Variants in PLCB4 observed in about 807,000 individuals in gnomAD.
PLCB4 encodes phospholipase C beta 4.
PLCB4 carries 77 observed loss-of-function variants against 178.8 expected under a neutral mutation model. The ratio of observed to expected loss-of-function variants is 0.43; its 90% confidence interval spans 0.36 to 0.52. The LOEUF is 0.52. Ranked by LOEUF, PLCB4 falls within the 20% of genes least tolerant of loss-of-function variation. The probability of loss-of-function intolerance (pLI) is 0.00; values close to 1 mark genes in which losing one functional copy is unlikely to be tolerated. For synonymous variants in PLCB4, 496 were observed against 490.8 expected (o/e 1.01, Z -0.14); for missense variants, 1,024 against 1,453.4 (o/e 0.70, Z 4.80).
intron 14 of PLCB4, among the ~76,000 whole-genome samples, chr20:9,385,686 C>T (rs1297250302): frequency 6.6e-6 from 1 of 150,696 alleles, no homozygotes; most frequent in Non-Finnish European, 1.5e-5. Context: ...AGGCGCTCCT[C>T]ACCTCCCAGA....
chr20:9,403,196 A>G lies in PLCB4; in HGVS notation c.1611+1606A>G, dbSNP rs529197956. 2.0e-5 allele frequency among the ~76,000 whole-genome samples: 3 copies of G among 152,296 alleles called. No individual in the cohort carries two copies. The East Asian group carries it at 5.8e-4, about 29-fold the overall frequency. On this transcript the variant is annotated intron_variant, in intron 20 of 39. Coordinates refer to ENST00000378473, the MANE Select transcript of PLCB4 (RefSeq NM_001377142.1). ...TATCCTCATGATCACTGGCGTCATT[A>G]TCACGCGTATATAGAAGACAGGTTG...
At chr20:9,445,967 G>A (rs2042390003) in intron 32 of PLCB4, among the ~76,000 whole-genome samples, 1 of 152,188 alleles carries the variant, frequency 6.6e-6, no homozygotes, top group South Asian at 2.1e-4. Flanking sequence ...GGGCTAGTTG[G>A]AAACATAAAG....
At chr20:9,399,037 A>G (rs1158553840) in intron 19 of PLCB4, among the ~76,000 whole-genome samples, 2 of 152,234 alleles carry the variant, frequency 1.3e-5, no homozygotes, top group Non-Finnish European at 2.9e-5. Context: ...AATGAAAGTC[A>G]AAGATGTGAT....
intron 2 of PLCB4, among the ~76,000 whole-genome samples, chr20:9,213,741 T>C (rs1187278495): frequency 6.6e-6 from 1 of 152,242 alleles, no homozygotes; most frequent in Non-Finnish European, 1.5e-5. Context: ...ACTGCTAGAC[T>C]GTTTTCCAAA....
chr20:9,293,781 G>A (rs1029075593), intron 3 of PLCB4, among the ~76,000 whole-genome samples: 1 of 152,136 alleles, frequency 6.6e-6, no homozygotes, highest in East Asian at 1.9e-4. Context: ...TCTTCAAAGG[G>A]GGAAGCACAA....
chr20:9,470,412 T>C (rs1350079497), intron 36 of PLCB4, among the ~76,000 whole-genome samples: 1 of 152,108 alleles, frequency 6.6e-6, no homozygotes, highest in Non-Finnish European at 1.5e-5. Flanking sequence ...CTTATATACA[T>C]GGAAATGACA....
intron 3 of PLCB4, among the ~76,000 whole-genome samples, chr20:9,218,045 C>T (rs1174408778): frequency 6.6e-6 from 1 of 152,132 alleles, no homozygotes; most frequent in Non-Finnish European, 1.5e-5. Flanking sequence ...ACTTGTATTC[C>T]AGAGCCAGAA....
chr20:9,168,844 TG>T (rs1308039469), intron 2 of PLCB4, among the ~76,000 whole-genome samples: 4 of 152,124 alleles, frequency 2.6e-5, no homozygotes, highest in African/African-American at 9.7e-5. Context: ...TGTGTGGGAT[TG>T]TCACCTCTGC....
chr20:9,445,285 G>A (rs2042348420), intron 32 of PLCB4, among the ~76,000 whole-genome samples: 1 of 152,216 alleles, frequency 6.6e-6, no homozygotes, highest in Non-Finnish European at 1.5e-5. Flanking sequence ...ATGAGAGCAA[G>A]AGAAACTTAA....
intron 36 of PLCB4, among the ~76,000 whole-genome samples, chr20:9,471,980 C>T (rs778526306): frequency 2.6e-5 from 4 of 152,118 alleles, no homozygotes; most frequent in East Asian, 1.9e-4. Context: ...ACAGGGCCCA[C>T]GCACCCGATC....
intron 3 of PLCB4, among the ~76,000 whole-genome samples, chr20:9,254,695 C>T (rs1035652728): frequency 7.9e-5 from 12 of 151,990 alleles, no homozygotes; most frequent in Admixed American, 5.9e-4. Flanking sequence ...AAAACTCTGT[C>T]TCAAAAAATA....
chr20:9,165,855 G>T (rs1445360855), intron 2 of PLCB4, among the ~76,000 whole-genome samples: 2 of 148,810 alleles, frequency 1.3e-5, no homozygotes, highest in African/African-American at 5.0e-5. Flanking sequence ...ATTTGATGTA[G>T]AATTAAAATC....
At chr20:9,188,535 TG>T (rs2093358910) in intron 2 of PLCB4, among the ~76,000 whole-genome samples, 2 of 140,024 alleles carry the variant, frequency 1.4e-5, no homozygotes, top group African/African-American at 5.7e-5. Context: ...AGTGACATTC[TG>T]GGTTGGTTAA....
At chr20:9,127,409 A>G (rs1226237315) in intron 2 of PLCB4, among the ~76,000 whole-genome samples, 2 of 152,132 alleles carry the variant, frequency 1.3e-5, no homozygotes, top group Admixed American at 6.5e-5. Flanking sequence ...ATTTTTATGT[A>G]TCTTCCAAGT....
At chr20:9,188,569 A>C (rs1311381065) in intron 2 of PLCB4, among the ~76,000 whole-genome samples, 4 of 135,736 alleles carry the variant, frequency 2.9e-5, no homozygotes, top group Non-Finnish European at 6.2e-5. Flanking sequence ...GAGGGCTGTC[A>C]TACAGTGACA....
chr20:9,369,146 TACCCAG>T, intron 9 of PLCB4, among the ~76,000 whole-genome samples: 1 of 152,250 alleles, frequency 6.6e-6, no homozygotes, highest in Middle Eastern at 3.4e-3. Context: ...AAGCTATTGG[TACCCAG>T]GTTCTGTTTC....
At chr20:9,356,957 A>T (rs189295566) in intron 7 of PLCB4, among the ~76,000 whole-genome samples, 8 of 152,172 alleles carry the variant, frequency 5.3e-5, no homozygotes, top group Admixed American at 3.9e-4. Context: ...CTCTGCAAAA[A>T]ATACCAAAAT....
intron 4 of PLCB4, among the ~76,000 whole-genome samples, chr20:9,323,133 G>A (rs2094979630): frequency 6.6e-6 from 1 of 152,100 alleles, no homozygotes; most frequent in South Asian, 2.1e-4. Flanking sequence ...CCATTTCGCT[G>A]TCCCATTGAT....
At chr20:9,226,433 T>C (rs1467039016) in intron 3 of PLCB4, among the ~76,000 whole-genome samples, 1 of 152,208 alleles carries the variant, frequency 6.6e-6, no homozygotes, top group Non-Finnish European at 1.5e-5. Context: ...TGAATGATTT[T>C]GGTGATTTTT....
Sources: gnomAD v4.1 joint callset for allele counts (sites outside exome capture counted in the v4.1 genomes callset) on GRCh38, gnomAD v4.1.1 for gene constraint, MANE v1.5 for transcripts, NCBI Gene and HGNC (gene_info 2026-07-23, HGNC 2026-07-21) for gene names.